The following DOCK3 variants were observed in gnomAD, a reference collection of about 807,000 sequenced individuals.
The protein encoded by DOCK3 is dedicator of cytokinesis 3.
DOCK3 carries 60 observed loss-of-function variants against 265.6 expected under a neutral mutation model. That is an observed-to-expected ratio of 0.23 (90% CI 0.18 to 0.28). The LOEUF (loss-of-function observed/expected upper bound fraction) is 0.28. Ranked by LOEUF, DOCK3 falls within the 10% of genes least tolerant of loss-of-function variation. The probability of loss-of-function intolerance (pLI) is 1.00; values close to 1 mark genes in which losing one functional copy is unlikely to be tolerated. For missense variants in DOCK3, 1,981 were observed against 2,594.3 expected (o/e 0.76, Z 5.14); for synonymous variants, 881 against 938.0 (o/e 0.94, Z 1.11).
chr3:51,287,241 G>T (rs996020799), intron 27 of DOCK3, among the ~76,000 whole-genome samples: 1 of 152,122 alleles, frequency 6.6e-6, no homozygotes, highest in South Asian at 2.1e-4. Context: ...AAATACAAAT[G>T]AAAACCACAG....
intron 1 of DOCK3, among the ~76,000 whole-genome samples, chr3:50,770,463 A>G (rs1156465537): frequency 6.6e-6 from 1 of 152,160 alleles, no homozygotes; most frequent in Non-Finnish European, 1.5e-5. Context: ...AAAGAAAAAA[A>G]AAATCCGTGT....
At chr3:51,311,064 AAGGATGATTGTAAAC>A (rs1208223868) in intron 28 of DOCK3, among the ~76,000 whole-genome samples, 1 of 152,250 alleles carries the variant, frequency 6.6e-6, no homozygotes, top group Non-Finnish European at 1.5e-5. Context: ...TAAAGAATAG[AAGGATGATTGTAAAC>A]AAAGTTGCAC....
rs552219505 is a variant in DOCK3 at position 51,384,188 on chromosome 3, C to T, written c.*2629C>T. 4 of 152,708 alleles carry T rather than the reference C, an allele frequency of 2.6e-5. No individual in the cohort carries two copies. Among genetic ancestry groups the T allele is most frequent in the African/African-American group, 7.2e-5 (3 of 41,568 alleles). The allele number at this position is 152,708 out of a possible 1,614,324, so 9.5% of individuals were successfully genotyped here. ...CTGTGATGTGAATTAAAGATAAATA[C>T]GTGATACTGATCCACTGAATTCACT... is the stretch of plus-strand genomic sequence containing the variant. On this transcript the variant is annotated 3_prime_UTR_variant, in exon 53 of 53. Coordinates refer to ENST00000266037, the MANE Select transcript of DOCK3 (RefSeq NM_004947.5).
At chr3:51,299,168 T>C (rs2082250209) in intron 27 of DOCK3, among the ~76,000 whole-genome samples, 1 of 152,236 alleles carries the variant, frequency 6.6e-6, no homozygotes, top group African/African-American at 2.4e-5. Context: ...TCTCTAATGA[T>C]CAGTGATGTT....
intron 4 of DOCK3, among the ~76,000 whole-genome samples, chr3:50,904,156 C>A (rs2049348496): frequency 6.6e-6 from 1 of 152,188 alleles, no homozygotes; most frequent in Admixed American, 6.5e-5. Flanking sequence ...TTAATCCAGT[C>A]TATCATTGAT....
At chr3:51,357,524 T>C (rs537218276) in intron 44 of DOCK3, among the ~76,000 whole-genome samples, 3 of 152,272 alleles carry the variant, frequency 2.0e-5, no homozygotes, top group Non-Finnish European at 4.4e-5. Flanking sequence ...CCAGGCTCCA[T>C]GAGGGACTGG....
At chr3:51,183,370 T>G (rs1489446130) in intron 12 of DOCK3, among the ~76,000 whole-genome samples, 2 of 152,136 alleles carry the variant, frequency 1.3e-5, no homozygotes, top group African/African-American at 4.8e-5. Flanking sequence ...CCAGTGGCAT[T>G]TTTACTCATT....
At chr3:50,676,947 C>CTT (rs1220022362) in intron 1 of DOCK3, among the ~76,000 whole-genome samples, 1 of 152,176 alleles carries the variant, frequency 6.6e-6, no homozygotes, top group East Asian at 1.9e-4. Context: ...ACTAATAACA[C>CTT]TAAGTGTGTT....
At chr3:50,914,163 G>T (rs1296733874) in intron 4 of DOCK3, among the ~76,000 whole-genome samples, 2 of 150,822 alleles carry the variant, frequency 1.3e-5, no homozygotes, top group African/African-American at 4.9e-5. Context: ...TTATTTTGTG[G>T]CTCTTTGTAT....
At chr3:50,914,646 G>T (rs1161466572) in intron 4 of DOCK3, among the ~76,000 whole-genome samples, 1 of 152,100 alleles carries the variant, frequency 6.6e-6, no homozygotes, top group East Asian at 1.9e-4. Flanking sequence ...ATGTGCTGAT[G>T]ATATGAATGT....
chr3:50,795,279 C>T (rs1360115702), intron 2 of DOCK3, among the ~76,000 whole-genome samples: 2 of 152,048 alleles, frequency 1.3e-5, no homozygotes, highest in African/African-American at 2.4e-5. Context: ...GTTGGCCTGT[C>T]GAGGTTGGAG....
At chr3:51,107,242 A>T (rs1215406685) in intron 9 of DOCK3, among the ~76,000 whole-genome samples, 1 of 152,380 alleles carries the variant, frequency 6.6e-6, no homozygotes, top group Admixed American at 6.5e-5. Flanking sequence ...AAGGAATATT[A>T]GCCCACAAAG....
intron 2 of DOCK3, among the ~76,000 whole-genome samples, chr3:50,835,098 C>T (rs2045424847): frequency 6.6e-6 from 1 of 152,218 alleles, no homozygotes; most frequent in Non-Finnish European, 1.5e-5. Context: ...CCATTGTTCA[C>T]ACACAGACTT....
At chr3:50,803,982 A>G (rs1165648199) in intron 2 of DOCK3, among the ~76,000 whole-genome samples, 1 of 148,730 alleles carries the variant, frequency 6.7e-6, no homozygotes, top group African/African-American at 2.5e-5. Flanking sequence ...CACTTCTCAG[A>G]CAGGGCGGCC....
chr3:51,379,547 G>T (rs1197188489), intron 51 of DOCK3: 1 of 985,324 alleles, frequency 1.0e-6, no homozygotes, highest in Non-Finnish European at 1.2e-6. Flanking sequence ...GGCCCCCCCA[G>T]TGCCTCCCCG....
At chr3:51,199,856 C>A (rs1367737022) in intron 12 of DOCK3, among the ~76,000 whole-genome samples, 1 of 152,212 alleles carries the variant, frequency 6.6e-6, no homozygotes, top group Non-Finnish European at 1.5e-5. Context: ...AACGATCAGA[C>A]AGCAGCATTC....
At chr3:50,899,398 A>G (rs2049062868) in intron 4 of DOCK3, among the ~76,000 whole-genome samples, 1 of 152,180 alleles carries the variant, frequency 6.6e-6, no homozygotes. Context: ...TCTCCTAAAT[A>G]CAGCACAGTG....
At chr3:51,101,660 T>C (rs1033505411) in intron 9 of DOCK3, among the ~76,000 whole-genome samples, 1 of 152,240 alleles carries the variant, frequency 6.6e-6, no homozygotes, top group Admixed American at 6.5e-5. Context: ...TTACAGAGCC[T>C]GCTATGAGCT....
At chr3:50,987,100 G>A (rs1469244525) in intron 5 of DOCK3, among the ~76,000 whole-genome samples, 4 of 152,152 alleles carry the variant, frequency 2.6e-5, no homozygotes, top group South Asian at 2.1e-4. Context: ...TTCCCAAAGG[G>A]CCACATGACA....
Sources: allele counts gnomAD v4.1 joint callset (sites outside exome capture counted in the v4.1 genomes callset), GRCh38; gene constraint gnomAD v4.1.1; transcripts MANE v1.5; gene names NCBI Gene and HGNC (gene_info 2026-07-23, HGNC 2026-07-21).